The following ST7 variants were observed in gnomAD, a reference collection of about 807,000 sequenced individuals.
ST7 encodes suppressor of tumorigenicity 7 protein.
In ST7, 28 loss-of-function variants were observed where a neutral mutation model predicts 78.7. The ratio of observed to expected loss-of-function variants is 0.36; its 90% confidence interval spans 0.26 to 0.49. The LOEUF is 0.49. ST7 is among the 20% of genes least tolerant of loss of function. ST7 has a pLI of 0.99. For synonymous variants in ST7, 247 were observed against 249.6 expected (o/e 0.99, Z 0.10); for missense variants, 418 against 696.0 (o/e 0.60, Z 4.49).
intron 1 of ST7, among the ~76,000 whole-genome samples, chr7:116,962,416 C>T (rs552376505): frequency 6.5e-4 from 99 of 152,262 alleles, no homozygotes; most frequent in South Asian, 1.7e-3. Flanking sequence ...AGTGTAAAGG[C>T]GTTCCTGTTT....
intron 15 of ST7, 31 bp from the exon 16 acceptor site, chr7:117,229,731 T>C: frequency 6.4e-7 from 1 of 1,572,920 alleles, no homozygotes; most frequent in Non-Finnish European, 8.6e-7. Context: ...AGGTTTCTGC[T>C]GACTTCTGTG....
rs184569694 is a variant in ST7 at position 117,117,505 on chromosome 7, A to G, written c.235-2056A>G. ...GCACAGAATTTTCTGGGTCCTTTGG[A>G]GTCTTCTCTTCTAATAAATGCAAAG... On this transcript the variant is annotated intron_variant, in intron 2 of 15. Coordinates refer to ENST00000323984, the MANE Select transcript of ST7 (RefSeq NM_001369598.1). Among the ~76,000 whole-genome samples the G allele has an allele frequency of 2.7e-3, 415 of 152,202 alleles. 1 individual carries two copies. The highest frequency in any genetic ancestry group is 9.2e-3 in the African/African-American group (382 of 41,530).
intron 12 of ST7, among the ~76,000 whole-genome samples, chr7:117,194,783 C>G (rs1040776014): frequency 2.6e-5 from 4 of 152,176 alleles, no homozygotes; most frequent in African/African-American, 9.7e-5. Context: ...TCACTCTGCT[C>G]TTCCTCAGCA....
chr7:116,955,941 T>C (rs1328278813), intron 1 of ST7, among the ~76,000 whole-genome samples: 1 of 152,122 alleles, frequency 6.6e-6, no homozygotes, highest in African/African-American at 2.4e-5. Context: ...TGCTGGACTT[T>C]TCAGTTTGGT....
intron 9 of ST7, among the ~76,000 whole-genome samples, chr7:117,149,577 C>T (rs1806078869): frequency 1.4e-5 from 2 of 143,580 alleles, no homozygotes; most frequent in Admixed American, 1.4e-4. Context: ...ATCACCTTGA[C>T]TGTCCGTGTC....
intron 1 of ST7, among the ~76,000 whole-genome samples, chr7:116,966,942 A>T (rs1793148360): frequency 6.6e-6 from 1 of 152,210 alleles, no homozygotes. Flanking sequence ...TTACCACAGG[A>T]TGTAACAAAT....
intron 1 of ST7, among the ~76,000 whole-genome samples, chr7:117,056,543 G>A (rs1312688428): frequency 6.6e-6 from 1 of 152,094 alleles, no homozygotes; most frequent in Non-Finnish European, 1.5e-5. Flanking sequence ...CCTGAGGCAG[G>A]AGAATCACTT....
At chr7:117,189,232 T>A (rs1479341255) in intron 10 of ST7, 89 bp from the exon 11 acceptor site, 1 of 836,102 alleles carries the variant, frequency 1.2e-6, no homozygotes, top group African/African-American at 1.7e-5. Context: ...TTATTGCACT[T>A]AAACGTGATT....
At chr7:117,076,845 C>G (rs995535033) in intron 1 of ST7, among the ~76,000 whole-genome samples, 6 of 152,224 alleles carry the variant, frequency 3.9e-5, no homozygotes, top group African/African-American at 1.2e-4. Flanking sequence ...TCCACCCTTT[C>G]ACATGAGGCG....
chr7:117,097,834 A>ATATATATATATGTATGACATATCAC (rs1801175763), intron 1 of ST7, among the ~76,000 whole-genome samples: 8 of 126,794 alleles, frequency 6.3e-5, no homozygotes, highest in Non-Finnish European at 1.3e-4. Context: ...ATATATATAT[A>ATATATATATATGTATGACATATCAC]TATATATATG....
At chr7:117,054,250 CTG>C (rs995578477) in intron 1 of ST7, among the ~76,000 whole-genome samples, 3 of 152,180 alleles carry the variant, frequency 2.0e-5, no homozygotes, top group African/African-American at 4.8e-5. Flanking sequence ...TTTGTTAAAA[CTG>C]TAAAATAAAC....
intron 4 of ST7, among the ~76,000 whole-genome samples, chr7:117,130,085 T>C (rs546036201): frequency 1.3e-5 from 2 of 152,084 alleles, no homozygotes; most frequent in South Asian, 2.1e-4. Flanking sequence ...GTTATTCTTT[T>C]CAATATATAC....
At chr7:117,138,175 G>C (rs1207996015) in intron 8 of ST7, among the ~76,000 whole-genome samples, 1 of 152,130 alleles carries the variant, frequency 6.6e-6, no homozygotes, top group Non-Finnish European at 1.5e-5. Flanking sequence ...TACACTGTGG[G>C]TATGTTCATT....
chr7:117,207,010 A>G (rs1791822134), intron 12 of ST7, among the ~76,000 whole-genome samples: 2 of 152,356 alleles, frequency 1.3e-5, no homozygotes, highest in East Asian at 3.9e-4. Flanking sequence ...TAATTAAAAT[A>G]TAAATAACCA....
At chr7:117,014,494 A>G (rs1795518117) in intron 1 of ST7, among the ~76,000 whole-genome samples, 1 of 152,230 alleles carries the variant, frequency 6.6e-6, no homozygotes, top group African/African-American at 2.4e-5. Flanking sequence ...CACATTAGTC[A>G]AATGTATTTC....
intron 12 of ST7, among the ~76,000 whole-genome samples, chr7:117,201,566 T>C (rs1810854803): frequency 6.6e-6 from 1 of 151,702 alleles, no homozygotes; most frequent in Non-Finnish European, 1.5e-5. Context: ...TGTGGTTTTT[T>C]TTTTTTCCAT....
In ST7 at chr7:116,978,470, A is replaced by T. The variant is rs186249068; in HGVS notation, c.151+24779A>T. Among the ~76,000 whole-genome samples the T allele has an allele frequency of 4.8e-4, 73 of 152,358 alleles. 1 individual carries two copies. Among genetic ancestry groups the T allele is most frequent in the African/African-American group, 1.6e-3 (65 of 41,586 alleles). On this transcript the variant is annotated intron_variant, in intron 1 of 15. Coordinates refer to ENST00000323984, the MANE Select transcript of ST7 (RefSeq NM_001369598.1). The stretch of plus-strand genomic sequence containing the variant: ...GAACTTTGTTTAGGGATAGTGGGAT[A>T]AATTAAATGCTTCAATATACATTAT...
intron 1 of ST7, chr7:116,956,396 A>G: frequency 2.2e-6 from 1 of 453,890 alleles, no homozygotes; most frequent in South Asian, 1.6e-5. Context: ...AAAGAGTTCT[A>G]ACGGGACTAA....
At chr7:116,960,309 C>A (rs1046550197) in intron 1 of ST7, among the ~76,000 whole-genome samples, 8 of 152,192 alleles carry the variant, frequency 5.3e-5, no homozygotes, top group Admixed American at 3.9e-4. Flanking sequence ...CATGCCTCAC[C>A]CTCCCAAGTA....
Sources: allele counts gnomAD v4.1 joint callset (sites outside exome capture counted in the v4.1 genomes callset), GRCh38; gene constraint gnomAD v4.1.1; transcripts MANE v1.5; gene names NCBI Gene and HGNC (gene_info 2026-07-23, HGNC 2026-07-21).